The following TSC1 variants were observed in gnomAD, a reference collection of about 807,000 sequenced individuals.
TSC1 encodes hamartin.
Under a neutral mutation model 124.3 loss-of-function variants are expected in TSC1, and 20 were observed. The ratio of observed to expected loss-of-function variants is 0.16; its 90% CI spans 0.11 to 0.23. The LOEUF (loss-of-function observed/expected upper bound fraction) is 0.23. TSC1 is among the 10% of genes least tolerant of loss of function. TSC1 has a pLI of 1.00. For missense variants in TSC1, 1,124 were observed against 1,448.5 expected, an observed-to-expected ratio of 0.78 and a Z score of 3.64; for synonymous variants, 493 against 539.1, an observed-to-expected ratio of 0.91 and a Z score of 1.19.
chr9:132,939,601 G>T (rs1038973269), intron 1 of TSC1, among the ~76,000 whole-genome samples: 3 of 152,192 alleles, frequency 2.0e-5, no homozygotes, highest in African/African-American at 7.2e-5. Context: ...CTTACGTTTT[G>T]ACTTTCTATT....
intron 22 of TSC1, 28 bp downstream of exon 22, chr9:132,897,156 A>T: frequency 6.2e-7 from 1 of 1,613,770 alleles, no homozygotes; most frequent in Non-Finnish European, 8.5e-7. Context: ...CTTAGTCCCA[A>T]GGTCATGAAT....
rs745413532 is a variant in TSC1 at position 132,904,419 on chromosome 9, T to C, written c.2033A>G (p.His678Arg). The change falls in exon 16 of 23, where the codon CAC (histidine) becomes CGC (arginine). Residue 678 changes from histidine to arginine, a missense_variant. This residue lies in a region of TSC1 where 321 missense variants were observed against 397.4 expected (regional missense o/e 0.81). Coordinates refer to ENST00000298552, the MANE Select transcript of TSC1 (RefSeq NM_000368.5). ...PLPSKSVDWT[H>R]FGGSPPSDEI... is the part of the protein sequence containing the mutation. ...TAAAGTAACAACTTTACCTCCAAAG[T>C]GGGTCCAGTCGACAGACTTGCTGGG... The C allele has an allele frequency of 6.2e-7, 1 of 1,614,056 alleles. No individual in the cohort carries two copies. Among genetic ancestry groups the C allele is most frequent in the South Asian group, 1.1e-5 (1 of 91,082 alleles).
chr9:132,921,012 A>C lies in TSC1; in HGVS notation c.737+351T>G, dbSNP rs1846519488. ...CCTGAAGTCCTTTCTCCATTTTGCAAAGCCAGATTTATATATATGCTAAAT... is the reference window on the plus strand; with the variant it reads ...CCTGAAGTCCTTTCTCCATTTTGCACAGCCAGATTTATATATATGCTAAAT... On this transcript the variant is annotated intron_variant, in intron 8 of 22. Transcript: ENST00000298552. This position sits in a 1 kb window ranked among gnomAD's most constrained non-coding sequence, Gnocchi z 4.3. 1.3e-5 allele frequency among the ~76,000 whole-genome samples: 2 copies of C among 151,784 alleles called. No individual in the cohort carries two copies. Among genetic ancestry groups the C allele is most frequent in the African/African-American group, 4.8e-5 (2 of 41,372 alleles).
At chr9:132,904,746 C>G (rs545359405) in intron 15 of TSC1, among the ~76,000 whole-genome samples, 1 of 152,202 alleles carries the variant, frequency 6.6e-6, no homozygotes, top group Admixed American at 6.5e-5. Flanking sequence ...CTGCATACAC[C>G]GTGGCCTCCG....
chr9:132,917,664 G>GCTAAATTTTTTAATTTAA (rs1846337709), intron 8 of TSC1, among the ~76,000 whole-genome samples: 1 of 152,164 alleles, frequency 6.6e-6, no homozygotes. Flanking sequence ...TTAATTGGAT[G>GCTAAATTTTTTAATTTAA]CTGGGACTTC....
chr9:132,936,155 C>CT (rs1847447769), intron 1 of TSC1, among the ~76,000 whole-genome samples: 1 of 152,180 alleles, frequency 6.6e-6, no homozygotes, highest in African/African-American at 2.4e-5. Flanking sequence ...GGGTCTCACT[C>CT]TTAGGCTAGA....
chr9:132,923,185 C>T lies in TSC1; in HGVS notation c.508+163G>A, dbSNP rs1846658494. Among the ~76,000 whole-genome samples the T allele has an allele frequency of 1.3e-5, 2 of 152,150 alleles. No individual in the cohort carries two copies. Among genetic ancestry groups the T allele is most frequent in the East Asian group, 3.8e-4 (2 of 5,202 alleles). On this transcript the variant is annotated intron_variant, in intron 6 of 22. Transcript: ENST00000298552. The surrounding 1 kb of genome is among the most constrained non-coding windows in gnomAD (Gnocchi z 4.2). The stretch of plus-strand genomic sequence containing the variant: ...TCAACAGTCATGTTTCTTCTATGTG[C>T]CTGTAGTGGATGCACCCAAGATATT...
chr9:132,926,881 T>G (rs1334325257), intron 4 of TSC1: 2 of 355,536 alleles, frequency 5.6e-6, no homozygotes, highest in Non-Finnish European at 1.1e-5. Flanking sequence ...TTCACTGTGT[T>G]GGCCAGGCTG....
intron 12 of TSC1, chr9:132,910,222 G>T (rs1466779366): frequency 1.9e-6 from 1 of 536,428 alleles, no homozygotes; most frequent in Non-Finnish European, 3.3e-6. Context: ...GATTGCATGA[G>T]TCTGGGAGGT....
intron 3 of TSC1, among the ~76,000 whole-genome samples, chr9:132,928,533 G>C (rs887381519): frequency 6.6e-6 from 1 of 152,194 alleles, no homozygotes; most frequent in South Asian, 2.1e-4. Context: ...GAGTCAGGGA[G>C]GAAAGAATTT....
chr9:132,904,373 C>A, intron 16 of TSC1, 38 bp downstream of exon 16: 1 of 1,612,050 alleles, frequency 6.2e-7, no homozygotes, highest in African/African-American at 1.3e-5. Flanking sequence ...AAGCAGGAAC[C>A]ATGTGGGCTG....
chr9:132,904,297 G>T, intron 16 of TSC1, 114 bp downstream of exon 16: 1 of 1,162,652 alleles, frequency 8.6e-7, no homozygotes, highest in Non-Finnish European at 1.3e-6. Flanking sequence ...CCTGGCCGGA[G>T]CAATAGCCAA....
Position 132,906,718 on chromosome 9 carries a change from C to T in TSC1, c.1438+13G>A, listed in dbSNP as rs1478759489. 1 of 1,606,058 alleles carries T rather than the reference C, an allele frequency of 6.2e-7. No individual in the cohort carries two copies. Among genetic ancestry groups the T allele is most frequent in the East Asian group, 2.2e-5 (1 of 44,780 alleles). On this transcript the variant is annotated intron_variant, in intron 14 of 22. Coordinates refer to ENST00000298552, the MANE Select transcript of TSC1 (RefSeq NM_000368.5). The surrounding 1 kb of genome is among the most constrained non-coding windows in gnomAD (Gnocchi z 4.1). The stretch of plus-strand genomic sequence containing the variant: ...CAGGTTTTATCAACTCATAGCAATC[C>T]CACATACATTACCTTCTTCTTTATC...
At chr9:132,905,125 C>T (rs1185361741) in intron 15 of TSC1, among the ~76,000 whole-genome samples, 1 of 152,114 alleles carries the variant, frequency 6.6e-6, no homozygotes, top group Non-Finnish European at 1.5e-5. Flanking sequence ...GCCATCTGAA[C>T]TTGCATAAAA....
chr9:132,943,723 A>T (rs945501391), intron 1 of TSC1: 2 of 152,100 alleles, frequency 1.3e-5, no homozygotes, highest in African/African-American at 4.8e-5. Context: ...CACAGAGAGC[A>T]CTCCATTAAC....
intron 8 of TSC1, among the ~76,000 whole-genome samples, chr9:132,914,594 C>T (rs1371512037): frequency 1.3e-5 from 2 of 151,104 alleles, no homozygotes; most frequent in Admixed American, 6.6e-5. Flanking sequence ...TGTGGTGGCT[C>T]GTACCTGTAA....
At chr9:132,933,050 G>A (rs1175129352) in intron 2 of TSC1, among the ~76,000 whole-genome samples, 2 of 152,176 alleles carry the variant, frequency 1.3e-5, no homozygotes, top group East Asian at 3.8e-4. Context: ...GTGGCTGTCT[G>A]GCTTTGGCTT....
intron 1 of TSC1, among the ~76,000 whole-genome samples, chr9:132,943,158 G>A (rs540011897): frequency 6.6e-6 from 1 of 151,428 alleles, no homozygotes; most frequent in African/African-American, 2.4e-5. Context: ...TATCTCAGAA[G>A]AGTATTATTC....
At position 132,903,750 on chromosome 9, in the gene TSC1, G is replaced by A. The variant is rs1440846632; in HGVS notation, c.2109C>T (p.Leu703=). 1.2e-6 allele frequency: 2 copies of A among 1,613,670 alleles called. No homozygotes were observed. The highest frequency in any genetic ancestry group is 1.3e-5 in the African/African-American group (1 of 74,892). ...GCTGCTGCCTCTTAAAACGCTCATA[G>A]AGTAACTGGTTGTGCAGTAAAAGCA... ...DQLLLLHNQL[L]YERFKRQQHA... The change falls in exon 17 of 23, where the codon CTC becomes CTT. Residue 703 remains leucine, a synonymous_variant. Transcript: ENST00000298552. This position sits in a 1 kb window ranked among gnomAD's most constrained non-coding sequence, Gnocchi z 5.9.
Sources: allele counts gnomAD v4.1 joint callset (sites outside exome capture counted in the v4.1 genomes callset), GRCh38; gene constraint gnomAD v4.1.1; regional missense constraint gnomAD v4.1.1; non-coding constraint Gnocchi (gnomAD v3.1); transcripts MANE v1.5; gene names NCBI Gene and HGNC (gene_info 2026-07-23, HGNC 2026-07-21).